PIH1D1: variants seen among roughly 807,000 people sequenced by gnomAD.
The protein encoded by PIH1D1 is PIH1 domain-containing protein 1.
In PIH1D1, 28 loss-of-function variants were observed where a neutral mutation model predicts 38.5. The observed-to-expected ratio is 0.73, with a 90% CI of 0.54 to 1.00. The LOEUF (loss-of-function observed/expected upper bound fraction) is 1.00. Ranked by LOEUF, PIH1D1 falls within the 50% of genes least tolerant of loss-of-function variation. The pLI, the probability that PIH1D1 is intolerant of heterozygous loss-of-function variation, is 0.00. For synonymous variants in PIH1D1, 155 were observed against 153.5 expected (o/e 1.01, Z -0.07); for missense variants, 343 against 369.9 (o/e 0.93, Z 0.60).
chr19:49,447,876 G>A lies in PIH1D1; in HGVS notation c.432C>T (p.Thr144=). 1 of 1,614,088 alleles carries A rather than the reference G, an allele frequency of 6.2e-7. No individual in the cohort carries two copies. Residue 144 remains threonine, a synonymous_variant, in exon 5 of 9, where the codon ACC becomes ACT. Transcript: ENST00000262265. The part of the protein sequence containing the change: ...NSDFLRELVI[T]IAREGLEDKY... The stretch of plus-strand genomic sequence containing the variant: ...TGTCCTCAAGGCCCTCCCTGGCGAT[G>A]GTGATCACGAGCTCCCGCAAGAAAT...
chr19:49,446,741 T>C, intron 7 of PIH1D1, 47 bp from the exon 8 acceptor site: 1 of 1,521,736 alleles, frequency 6.6e-7, no homozygotes, highest in South Asian at 1.3e-5. Context: ...AACAGGATGA[T>C]CACCTGGACC....
rs751262132 is a variant in PIH1D1 at position 49,449,629 on chromosome 19, C to T, written c.183G>A (p.Ser61=). 11 of 1,613,898 alleles carry T rather than the reference C, an allele frequency of 6.8e-6. No individual in the cohort carries two copies. Among genetic ancestry groups the T allele is most frequent in the East Asian group, 2.2e-5 (1 of 44,888 alleles). ...QPGFCIKTNS[S]EGKVFINICH... is the part of the protein sequence containing the mutation. ...AGATGTTGATGAAAACCTTCCCTTC[C>T]GAGGAGTTGGTCTTTATGCAGAAAC... The change falls in exon 3 of 9, where the codon TCG becomes TCA. Residue 61 remains serine (S), a synonymous_variant. Transcript: ENST00000262265.
rs1315621225 is a variant in PIH1D1, at chr19:49,451,767, T to C, written c.-193A>G. On this transcript the variant is annotated 5_prime_UTR_variant, in exon 1 of 9. Coordinates refer to ENST00000262265, the MANE Select transcript of PIH1D1 (RefSeq NM_017916.3). Reference sequence around the variant, plus strand: ...ACCATCGTCAAATCCGTGGGGAATATGTGTCTCTAGACGCACTACCCTCCG... The same window carrying C: ...ACCATCGTCAAATCCGTGGGGAATACGTGTCTCTAGACGCACTACCCTCCG... 6 of 1,408,604 alleles carry C rather than the reference T, an allele frequency of 4.3e-6. No homozygotes were observed. The highest frequency in any genetic ancestry group is 2.6e-5 in the East Asian group (1 of 38,936). The allele number at this position is 1,408,604 out of a possible 1,614,324, so 87.3% of individuals were successfully genotyped here.
At chr19:49,446,807 G>A (rs1444715951) in intron 7 of PIH1D1, 113 bp from the exon 8 acceptor site, 1 of 1,230,286 alleles carries the variant, frequency 8.1e-7, no homozygotes, top group East Asian at 2.3e-5. Context: ...AATCTCCCAG[G>A]AAGAGACAGA....
At chr19:49,451,268 A>G in intron 1 of PIH1D1, 1 of 572,562 alleles carries the variant, frequency 1.7e-6, no homozygotes, top group Non-Finnish European at 3.0e-6. Flanking sequence ...TGACCTCGTG[A>G]TCCGCCCGCC....
chr19:49,448,818 A>G (rs1437066537), intron 3 of PIH1D1, among the ~76,000 whole-genome samples: 1 of 152,238 alleles, frequency 6.6e-6, no homozygotes, highest in Non-Finnish European at 1.5e-5. Flanking sequence ...AAAAAAGGAT[A>G]TAGAGGCAGA....
At chr19:49,447,709 C>G in intron 5 of PIH1D1, 118 bp downstream of exon 5, 1 of 1,129,834 alleles carries the variant, frequency 8.9e-7, no homozygotes, top group East Asian at 2.4e-5. Flanking sequence ...ACTCCACCCC[C>G]TCCTAGTAGC....
At chr19:49,451,245 G>A in intron 1 of PIH1D1, 2 of 521,238 alleles carry the variant, frequency 3.8e-6, no homozygotes, top group Non-Finnish European at 6.8e-6. Flanking sequence ...TAGCCAGGAT[G>A]GTCTCGATCT....
intron 5 of PIH1D1, 125 bp downstream of exon 5, chr19:49,447,702 C>G: frequency 9.3e-7 from 1 of 1,079,656 alleles, no homozygotes; most frequent in Non-Finnish European, 1.4e-6. Context: ...CGTCCAGACT[C>G]CACCCCCTCC....
intron 7 of PIH1D1, 108 bp downstream of exon 7, chr19:49,446,916 G>T: frequency 1.1e-5 from 13 of 1,144,036 alleles, no homozygotes; most frequent in Non-Finnish European, 1.7e-5. Flanking sequence ...TGGCAGAGAG[G>T]ACGCAACTGA....
intron 1 of PIH1D1, 122 bp from the exon 2 acceptor site, chr19:49,450,970 A>AGG (rs768515864): frequency 6.5e-7 from 1 of 1,539,888 alleles, no homozygotes; most frequent in Non-Finnish European, 8.8e-7. Flanking sequence ...TAGACGGTTT[A>AGG]GGTCCCCTTT....
intron 7 of PIH1D1, 51 bp from the exon 8 acceptor site, chr19:49,446,745 C>G: frequency 1.3e-6 from 2 of 1,515,442 alleles, no homozygotes; most frequent in Non-Finnish European, 1.8e-6. Context: ...GGATGATCAC[C>G]TGGACCAGGC....
chr19:49,448,263 G>A, intron 3 of PIH1D1: 1 of 603,168 alleles, frequency 1.7e-6, no homozygotes, highest in Non-Finnish European at 3.0e-6. Flanking sequence ...CTGTCCATCA[G>A]TGTGATGTCA....
rs1436103362 is a variant in PIH1D1 at position 49,447,188 on chromosome 19, G to T, written c.612-89C>A. ...TTTTCTCCCTCCAACCAGCCCTATT[G>T]GCCTCAGGACGCCTTCCCAGTCAGG... On this transcript the variant is annotated intron_variant, in intron 6 of 8. Transcript: ENST00000262265. 7.5e-6 allele frequency: 11 copies of T among 1,471,080 alleles called. No homozygotes were observed. The Admixed American group carries it at 1.7e-4, about 23-fold the overall frequency. The allele number at this position is 1,471,080 out of a possible 1,614,324, so 91.1% of individuals were successfully genotyped here.
In PIH1D1 at chr19:49,448,032, G is replaced by A. The variant is rs144264019; in HGVS notation, c.368C>T (p.Ala123Val). 1.7e-5 allele frequency: 27 copies of A among 1,614,250 alleles called. No individual in the cohort carries two copies. The Admixed American group carries it at 4.3e-4, about 26-fold the overall frequency. The change falls in exon 4 of 9, where the codon GCT becomes GTT. Residue 123 changes from alanine (A) to valine (V), a missense_variant. Transcript: ENST00000262265. ...CCTCCGGTAGAAGTCGCTGTTGACA[G>A]CTACGTCGTAGGCGGTACATCCCTG... ...KGQGCTAYDV[A>V]VNSDFYRRMQ...
At position 49,446,618 on chromosome 19, in the gene PIH1D1, A is replaced by C. The variant is rs780451886; in HGVS notation, c.764T>G (p.Leu255Arg). Reference protein sequence around the residue: ...VMGGPQQLYHLDAYIPLQINS... With the variant: ...VMGGPQQLYHRDAYIPLQINS... ...GATCTGCAGCGGGATATAAGCGTCTAGATGATACAGCTGCTGGGGGCCCCC... is the reference window on the plus strand; with the variant it reads ...GATCTGCAGCGGGATATAAGCGTCTCGATGATACAGCTGCTGGGGGCCCCC... Residue 255 changes from leucine (L) to arginine (R), a missense_variant, in exon 8 of 9, where the codon CTA becomes CGA. Coordinates refer to ENST00000262265, the MANE Select transcript of PIH1D1 (RefSeq NM_017916.3). 3 of 1,612,054 alleles carry C rather than the reference A, an allele frequency of 1.9e-6. No individual in the cohort carries two copies. Among genetic ancestry groups the C allele is most frequent in the Non-Finnish European group, 2.5e-6 (3 of 1,179,100 alleles).
chr19:49,449,221 G>C (rs189352470), intron 3 of PIH1D1: 2 of 643,652 alleles, frequency 3.1e-6, no homozygotes, highest in South Asian at 1.5e-5. Flanking sequence ...GCTAATGCAC[G>C]AAGAGCACTC....
Position 49,449,517 on chromosome 19 carries a change from TG to T in PIH1D1, c.294del (p.Ile99SerfsTer3), listed in dbSNP as rs2079044899. ...QMLEEDQAGF[R>X]IPMSLGEPHA... ...TGAGGCTCTCCCAGACTCATGGGGA[TG>T]CGAAACCCAGCTTGGTCCTCCTCTA... On this transcript the variant is annotated frameshift_variant, in exon 3 of 9. Coordinates refer to ENST00000262265, the MANE Select transcript of PIH1D1 (RefSeq NM_017916.3). LOFTEE classifies it high-confidence loss of function. 6.2e-7 allele frequency: 1 copy of T among 1,614,166 alleles called. No individual in the cohort carries two copies.
chr19:49,450,690 C>CCCCCTG, intron 2 of PIH1D1, 92 bp downstream of exon 2: 1 of 690,734 alleles, frequency 1.4e-6, no homozygotes, highest in Non-Finnish European at 2.3e-6. Flanking sequence ...CCACCCCCAC[C>CCCCCTG]CTAGGCCTTT....
Sources: allele counts gnomAD v4.1 joint callset (sites outside exome capture counted in the v4.1 genomes callset), GRCh38; gene constraint gnomAD v4.1.1; transcripts MANE v1.5; gene names NCBI Gene and HGNC (gene_info 2026-07-23, HGNC 2026-07-21).